Variants in CFI observed in about 807,000 individuals in gnomAD.
CFI encodes the protein C3B/C4B inactivator.
CFI carries 66 observed loss-of-function variants against 78.8 expected under a neutral mutation model. The observed-to-expected ratio is 0.84, with a 90% CI of 0.69 to 1.03. The LOEUF (loss-of-function observed/expected upper bound fraction) is 1.03. Ranked by LOEUF, CFI falls within the 50% of genes least tolerant of loss-of-function variation. CFI has a pLI of 0.00. For missense variants in CFI, 706 were observed against 704.5 expected, an observed-to-expected ratio of 1.00 and a Z score of -0.02; for synonymous variants, 250 against 232.6, an observed-to-expected ratio of 1.07 and a Z score of -0.68.
chr4:109,758,779 A>G (rs1726640957), intron 6 of CFI, among the ~76,000 whole-genome samples: 1 of 152,230 alleles, frequency 6.6e-6, no homozygotes, highest in African/African-American at 2.4e-5. Flanking sequence ...AACAGGAAAT[A>G]CATGCAAGAC....
At chr4:109,783,594 G>A (rs1443738734) in intron 1 of CFI, among the ~76,000 whole-genome samples, 4 of 151,842 alleles carry the variant, frequency 2.6e-5, no homozygotes, top group Admixed American at 2.0e-4. Flanking sequence ...AAGTAGTGCA[G>A]CCACTGTGGA....
At chr4:109,800,959 C>T (rs1463544508) in intron 1 of CFI, among the ~76,000 whole-genome samples, 2 of 152,038 alleles carry the variant, frequency 1.3e-5, no homozygotes, top group East Asian at 3.9e-4. Context: ...ATAAACATTG[C>T]AATGATGGCA....
intron 3 of CFI, among the ~76,000 whole-genome samples, chr4:109,763,035 A>G (rs978137129): frequency 7.2e-5 from 11 of 152,200 alleles, no homozygotes; most frequent in Admixed American, 2.0e-4. Flanking sequence ...CTAATGAACT[A>G]CTAGCAGATG....
At chr4:109,757,504 T>A (rs1220835772) in intron 7 of CFI, among the ~76,000 whole-genome samples, 3 of 152,134 alleles carry the variant, frequency 2.0e-5, no homozygotes, top group Non-Finnish European at 4.4e-5. Flanking sequence ...AAGAGAAAGG[T>A]ATTCGGCAAA....
chr4:109,778,316 A>G (rs1729549438), intron 1 of CFI, among the ~76,000 whole-genome samples: 1 of 152,224 alleles, frequency 6.6e-6, no homozygotes, highest in Non-Finnish European at 1.5e-5. Context: ...CCGATCCCAC[A>G]GAAATACAAA....
At position 109,764,525 on chromosome 4, in the gene CFI, A is replaced by G. The variant is rs1727481175; in HGVS notation, c.482+12T>C. 6.2e-7 allele frequency: 1 copy of G among 1,613,858 alleles called. No homozygotes were observed. ...ATCAGCCATGAGAAAATCCACTGAT[A>G]CAAGCGCTCACTGTTGAAACCCAAG... On this transcript the variant is annotated intron_variant, in intron 3 of 12. Transcript: ENST00000394634.
In CFI at chr4:109,801,755, A is replaced by G. The variant is rs147714850; in HGVS notation, c.57+160T>C. Reference sequence around the variant, plus strand: ...TTTTTAAAAAATCACTTTTATCAAGATATTAACATAAAACATTTGTTGCTG... The same window carrying G: ...TTTTTAAAAAATCACTTTTATCAAGGTATTAACATAAAACATTTGTTGCTG... On this transcript the variant is annotated intron_variant, in intron 1 of 12. Coordinates refer to ENST00000394634, the MANE Select transcript of CFI (RefSeq NM_000204.5). Among the ~76,000 whole-genome samples, 386 of 152,372 alleles carry G rather than the reference A, an allele frequency of 2.5e-3. 2 individuals are homozygous for G. The highest frequency in any genetic ancestry group is 4.7e-3 in the Non-Finnish European group (318 of 68,040).
At chr4:109,777,913 A>C (rs1170424987) in intron 1 of CFI, among the ~76,000 whole-genome samples, 2 of 152,192 alleles carry the variant, frequency 1.3e-5, no homozygotes, top group African/African-American at 4.8e-5. Flanking sequence ...AGGCAGAAAT[A>C]AAGATGTTCT....
chr4:109,742,594 A>G lies in CFI; in HGVS notation c.1431T>C (p.Asp477=), dbSNP rs370686936. The G allele has an allele frequency of 1.9e-6, 3 of 1,587,884 alleles. No homozygotes were observed. Among genetic ancestry groups the G allele is most frequent in the Admixed American group, 3.3e-5 (2 of 59,954 alleles). ...CIVSGWGREK[D]NERVFSLQWG... ...ACTGAAGTGAAAAGACTCTTTCGTT[A>G]TCTAAACAAAGTGAGAAAGCAAACA... Residue 477 remains aspartate, a splice_region_variant and synonymous_variant, in exon 12 of 13, where the codon GAT becomes GAC. Coordinates refer to ENST00000394634, the MANE Select transcript of CFI (RefSeq NM_000204.5).
chr4:109,791,595 T>G (rs766930438), intron 1 of CFI, among the ~76,000 whole-genome samples: 5 of 152,202 alleles, frequency 3.3e-5, no homozygotes, highest in Non-Finnish European at 5.9e-5. Context: ...AATTCTTTAA[T>G]CTATCTTGAG....
At chr4:109,778,571 A>T (rs1039502854) in intron 1 of CFI, among the ~76,000 whole-genome samples, 2 of 152,242 alleles carry the variant, frequency 1.3e-5, no homozygotes, top group Non-Finnish European at 2.9e-5. Flanking sequence ...AGCTGGTACC[A>T]TTCCTTCTGA....
chr4:109,763,689 A>G (rs1157157296), intron 3 of CFI, among the ~76,000 whole-genome samples: 1 of 151,984 alleles, frequency 6.6e-6, no homozygotes, highest in Admixed American at 6.6e-5. Context: ...AATGAGTAAC[A>G]TATCTATTAT....
At chr4:109,783,849 C>A (rs1300135271) in intron 1 of CFI, among the ~76,000 whole-genome samples, 2 of 116,874 alleles carry the variant, frequency 1.7e-5, no homozygotes, top group African/African-American at 6.7e-5. Context: ...GAATACTACT[C>A]AGCCATAAAA....
intron 3 of CFI, chr4:109,762,043 T>G (rs991703162): frequency 2.7e-5 from 8 of 295,154 alleles, no homozygotes; most frequent in Non-Finnish European, 5.2e-5. Flanking sequence ...ATACAAAAAT[T>G]AGCTGGGTGT....
intron 1 of CFI, among the ~76,000 whole-genome samples, chr4:109,777,377 G>A (rs1234729500): frequency 6.6e-6 from 1 of 152,062 alleles, no homozygotes; most frequent in African/African-American, 2.4e-5. Context: ...GATCAAAAGA[G>A]ACAAAGAAAG....
At chr4:109,772,072 T>G (rs761659479) in intron 1 of CFI, among the ~76,000 whole-genome samples, 11 of 152,248 alleles carry the variant, frequency 7.2e-5, no homozygotes, top group Non-Finnish European at 7.3e-5. Context: ...ATTACCATTT[T>G]AAATTTCAGA....
chr4:109,768,334 TAAAAAAAAA>T (rs756365540), intron 1 of CFI, among the ~76,000 whole-genome samples: 1 of 63,180 alleles, frequency 1.6e-5, no homozygotes, highest in Admixed American at 1.9e-4. Context: ...GAAGAAATCC[TAAAAAAAAA>T]AAAAAAAAAA....
chr4:109,778,438 T>C (rs926875885), intron 1 of CFI, among the ~76,000 whole-genome samples: 5 of 151,982 alleles, frequency 3.3e-5, no homozygotes, highest in Non-Finnish European at 7.4e-5. Flanking sequence ...TACAAAGAGG[T>C]TGAATCCCTG....
At position 109,757,882 on chromosome 4, in the gene CFI, C is replaced by T. The variant is rs576179684; in HGVS notation, c.884-99G>A. On this transcript the variant is annotated intron_variant, in intron 6 of 12. Coordinates refer to ENST00000394634, the MANE Select transcript of CFI (RefSeq NM_000204.5). ...TACATATATCATGAAAACCATTGCA[C>T]CTTATTTCTGTTTTCTTCGGTAATA... 19 of 1,334,136 alleles carry T rather than the reference C, an allele frequency of 1.4e-5. No individual in the cohort carries two copies. In the African/African-American group the frequency reaches 2.5e-4, roughly 18 times the overall value. The allele number at this position is 1,334,136 out of a possible 1,614,324, so 82.6% of individuals were successfully genotyped here. A position where few individuals can be genotyped will look rare whatever the true frequency, so the allele number is the denominator to read the frequency against.
Sources: allele counts gnomAD v4.1 joint callset (sites outside exome capture counted in the v4.1 genomes callset), GRCh38; gene constraint gnomAD v4.1.1; transcripts MANE v1.5; gene names NCBI Gene and HGNC (gene_info 2026-07-23, HGNC 2026-07-21).